TSPAN7: variants seen among roughly 807,000 people sequenced by gnomAD.
The protein encoded by TSPAN7 is tetraspanin 7, also known as tetraspanin-7.
TSPAN7 carries 1 observed loss-of-function variant against 17.6 expected under a neutral mutation model. The ratio of observed to expected loss-of-function variants is 0.06; its 90% CI spans 0.02 to 0.27. The LOEUF (loss-of-function observed/expected upper bound fraction) is 0.27. Ranked by LOEUF, TSPAN7 falls within the 10% of genes least tolerant of loss-of-function variation. The pLI is 1.00. For missense variants in TSPAN7, 112 were observed against 201.7 expected (o/e 0.56, Z 2.69); for synonymous variants, 78 against 79.0 (o/e 0.99, Z 0.07).
At chrX:38,625,871 G>A (rs939427036) in intron 1 of TSPAN7, among the ~76,000 whole-genome samples, 1 of 111,947 alleles carries the variant, frequency 8.9e-6, no homozygotes, top group Non-Finnish European at 1.9e-5. Context: ...GTCATCTGTG[G>A]GAACTTCGTG....
chrX:38,668,150 G>A (rs931172407), intron 2 of TSPAN7, among the ~76,000 whole-genome samples: 13 of 111,957 alleles, frequency 1.2e-4, no homozygotes, highest in African/African-American at 3.6e-4. Flanking sequence ...AGTCTTTAGC[G>A]GCAAGGATGT....
chrX:38,666,003 C>T, intron 1 of TSPAN7, 118 bp from the exon 2 acceptor site: 1 of 642,822 alleles, frequency 1.6e-6, no homozygotes, highest in Non-Finnish European at 2.5e-6. Flanking sequence ...CTCAGGGAAT[C>T]CTACAGCAAG....
At chrX:38,605,097 T>A (rs1455551679) in intron 1 of TSPAN7, among the ~76,000 whole-genome samples, 1 of 108,941 alleles carries the variant, frequency 9.2e-6, no homozygotes, top group Non-Finnish European at 1.9e-5. Context: ...GGGTATTCAA[T>A]TAGGAAAAGA....
chrX:38,609,170 C>A (rs1259270789), intron 1 of TSPAN7, among the ~76,000 whole-genome samples: 1 of 112,105 alleles, frequency 8.9e-6, no homozygotes, highest in Non-Finnish European at 1.9e-5. Context: ...AATGAGCTTT[C>A]ATTATTTTTA....
At chrX:38,641,421 A>G (rs747442071) in intron 1 of TSPAN7, among the ~76,000 whole-genome samples, 4 of 111,964 alleles carry the variant, frequency 3.6e-5, no homozygotes, top group East Asian at 5.6e-4. Context: ...AGAGTTAACT[A>G]TGACGAAAGG....
intron 1 of TSPAN7, among the ~76,000 whole-genome samples, chrX:38,582,363 G>A (rs2147400799): frequency 8.9e-6 from 1 of 111,903 alleles, no homozygotes; most frequent in East Asian, 2.8e-4. Context: ...AGTTATATTA[G>A]TTAATGCACA....
intron 1 of TSPAN7, among the ~76,000 whole-genome samples, chrX:38,634,386 T>C (rs1369886192): frequency 2.7e-5 from 3 of 112,573 alleles, no homozygotes; most frequent in Non-Finnish European, 3.7e-5. Context: ...ATGTGAAGAA[T>C]TGCAGAATTT....
intron 1 of TSPAN7, among the ~76,000 whole-genome samples, chrX:38,637,663 G>A (rs911402342): frequency 2.7e-5 from 3 of 112,032 alleles, no homozygotes; most frequent in Non-Finnish European, 5.6e-5. Flanking sequence ...GTTTGCCAAC[G>A]TGGATGGCTG....
At chrX:38,612,053 AT>A (rs199829160) in intron 1 of TSPAN7, among the ~76,000 whole-genome samples, 1,239 of 112,125 alleles carry the variant, frequency 0.011, 20 homozygotes, top group African/African-American at 0.039. Flanking sequence ...AAAGAGAGAC[AT>A]TGGTTTTGTT....
intron 1 of TSPAN7, among the ~76,000 whole-genome samples, chrX:38,562,756 C>T (rs901532479): frequency 2.7e-5 from 3 of 111,306 alleles, no homozygotes; most frequent in South Asian, 3.8e-4. Flanking sequence ...TAGTTCCTTA[C>T]GCCCATAATC....
chrX:38,597,894 A>G (rs780101632), intron 1 of TSPAN7, among the ~76,000 whole-genome samples: 1 of 111,809 alleles, frequency 8.9e-6, no homozygotes, highest in Admixed American at 9.5e-5. Context: ...GTAATTTATG[A>G]AAACATACTT....
At position 38,670,141 on chromosome X, in the gene TSPAN7, A is replaced by G. The variant is rs1341189708; in HGVS notation, c.271-1235A>G. ...AGAAAAAAAAATTATGACTCAGCAT[A>G]CATATGTATACTTTATGAGACATGT... is the stretch of plus-strand genomic sequence containing the variant. On this transcript the variant is annotated intron_variant, in intron 2 of 7. Coordinates refer to ENST00000378482, the MANE Select transcript of TSPAN7 (RefSeq NM_004615.4). Among the ~76,000 whole-genome samples, 3 of 112,170 alleles carry G rather than the reference A, an allele frequency of 2.7e-5. No individual in the cohort carries two copies. The Admixed American group carries it at 2.8e-4, about 11-fold the overall frequency.
intron 1 of TSPAN7, among the ~76,000 whole-genome samples, chrX:38,568,374 A>G (rs959937679): frequency 9.3e-6 from 1 of 107,571 alleles, no homozygotes; most frequent in African/African-American, 3.4e-5. Context: ...TAATTTTTTG[A>G]GCTCTTACAG....
chrX:38,664,441 A>G lies in TSPAN7; in HGVS notation c.82-1680A>G, dbSNP rs1022311978. On this transcript the variant is annotated intron_variant, in intron 1 of 7. Coordinates refer to ENST00000378482, the MANE Select transcript of TSPAN7 (RefSeq NM_004615.4). ...ATTTTATGTTTCCGTGTTGGGGAGTATGGCAGAAGAGGCTGCTCAAGGAAA... is the reference window on the plus strand; with the variant it reads ...ATTTTATGTTTCCGTGTTGGGGAGTGTGGCAGAAGAGGCTGCTCAAGGAAA... Among the ~76,000 whole-genome samples, 5 of 111,554 alleles carry G rather than the reference A, an allele frequency of 4.5e-5. No individual in the cohort carries two copies. In the Admixed American group the frequency reaches 4.8e-4, roughly 11 times the overall value.
At chrX:38,596,960 G>A (rs1200768518) in intron 1 of TSPAN7, among the ~76,000 whole-genome samples, 1 of 111,302 alleles carries the variant, frequency 9.0e-6, no homozygotes, top group African/African-American at 3.3e-5. Context: ...TATGAAGTCT[G>A]AGAGACACTT....
At chrX:38,684,895 A>G (rs1047728312) in intron 6 of TSPAN7, among the ~76,000 whole-genome samples, 1 of 111,797 alleles carries the variant, frequency 8.9e-6, no homozygotes, top group African/African-American at 3.3e-5. Flanking sequence ...TTTTAAGGCC[A>G]GAGATCACCC....
At chrX:38,682,922 C>A (rs1278890424) in intron 6 of TSPAN7, among the ~76,000 whole-genome samples, 2 of 112,082 alleles carry the variant, frequency 1.8e-5, no homozygotes, top group African/African-American at 6.5e-5. Flanking sequence ...CCTTGAACAT[C>A]CTGTTTACTT....
chrX:38,592,448 C>A (rs1322646792), intron 1 of TSPAN7, among the ~76,000 whole-genome samples: 1 of 110,831 alleles, frequency 9.0e-6, no homozygotes, highest in African/African-American at 3.3e-5. Context: ...TTCTATTTGT[C>A]CCATCACTTC....
At chrX:38,606,223 C>G (rs1280459706) in intron 1 of TSPAN7, among the ~76,000 whole-genome samples, 1 of 110,466 alleles carries the variant, frequency 9.1e-6, no homozygotes, top group African/African-American at 3.3e-5. Flanking sequence ...AAGAAAAAAA[C>G]AAACAACCCC....
Sources: gnomAD v4.1 joint callset for allele counts (sites outside exome capture counted in the v4.1 genomes callset) on GRCh38, gnomAD v4.1.1 for gene constraint, MANE v1.5 for transcripts, NCBI Gene and HGNC (gene_info 2026-07-23, HGNC 2026-07-21) for gene names.